Variants in PTPRM observed in about 807,000 individuals in gnomAD.
PTPRM encodes the protein protein tyrosine phosphatase receptor type M.
Under a neutral mutation model 186.7 loss-of-function variants are expected in PTPRM, and 47 were observed. That is an observed-to-expected ratio of 0.25 (90% CI 0.20 to 0.32). PTPRM has a LOEUF of 0.32. Among genes scored for constraint, PTPRM ranks in the 10% least tolerant of loss-of-function variants. PTPRM has a pLI of 1.00. For missense variants in PTPRM, 1,494 were observed against 1,865.0 expected, an observed-to-expected ratio of 0.80 and a Z score of 3.66; for synonymous variants, 668 against 674.9, an observed-to-expected ratio of 0.99 and a Z score of 0.16.
chr18:8,115,731 T>C (rs930891245), intron 13 of PTPRM, among the ~76,000 whole-genome samples: 2 of 152,200 alleles, frequency 1.3e-5, no homozygotes, highest in Non-Finnish European at 2.9e-5. Flanking sequence ...ATGAGTTGTG[T>C]TGGATAAAAT....
intron 3 of PTPRM, among the ~76,000 whole-genome samples, chr18:7,890,487 A>G (rs1480846137): frequency 6.6e-6 from 1 of 152,140 alleles, no homozygotes; most frequent in Non-Finnish European, 1.5e-5. Flanking sequence ...AACAATTTCT[A>G]GGATTTAATG....
intron 31 of PTPRM, among the ~76,000 whole-genome samples, chr18:8,387,518 C>A (rs957636430): frequency 2.9e-5 from 4 of 139,622 alleles, no homozygotes; most frequent in Admixed American, 7.1e-5. Flanking sequence ...AAAAAAAAAA[C>A]ACTGGCTCTT....
At chr18:8,077,171 G>T (rs16952842) in intron 9 of PTPRM, among the ~76,000 whole-genome samples, 4,697 of 152,246 alleles carry the variant, frequency 0.031, 237 homozygotes, top group African/African-American at 0.11. Flanking sequence ...CATCACATCT[G>T]TGCAAGCATC....
intron 1 of PTPRM, among the ~76,000 whole-genome samples, chr18:7,592,597 C>A (rs1419678388): frequency 6.6e-6 from 1 of 152,206 alleles, no homozygotes; most frequent in African/African-American, 2.4e-5. Flanking sequence ...ATCTCAGAAA[C>A]ATAAGAGGAA....
At chr18:7,738,340 A>G (rs1355804546) in intron 1 of PTPRM, among the ~76,000 whole-genome samples, 1 of 152,210 alleles carries the variant, frequency 6.6e-6, no homozygotes, top group African/African-American at 2.4e-5. Context: ...TTCCCTGCAG[A>G]AAGTTGTTTA....
intron 7 of PTPRM, among the ~76,000 whole-genome samples, chr18:8,041,989 A>G (rs945841339): frequency 2.6e-5 from 4 of 152,190 alleles, no homozygotes; most frequent in Admixed American, 2.6e-4. Context: ...AGATTTGGAA[A>G]TGAAAGGGGT....
At chr18:8,133,391 A>G (rs2092561081) in intron 13 of PTPRM, among the ~76,000 whole-genome samples, 2 of 152,184 alleles carry the variant, frequency 1.3e-5, no homozygotes, top group Admixed American at 6.6e-5. Context: ...GGCCACAAAG[A>G]TGAGTAAGAC....
intron 14 of PTPRM, among the ~76,000 whole-genome samples, chr18:8,178,672 A>G (rs951901070): frequency 2.2e-4 from 34 of 152,138 alleles, no homozygotes; most frequent in African/African-American, 8.0e-4. Flanking sequence ...CTGTAATCCC[A>G]GCTACTCGGG....
At chr18:7,633,911 C>T (rs1216196222) in intron 1 of PTPRM, among the ~76,000 whole-genome samples, 1 of 152,098 alleles carries the variant, frequency 6.6e-6, no homozygotes, top group Admixed American at 6.6e-5. Flanking sequence ...GGACTTTCCC[C>T]TTTTCAGCAT....
intron 1 of PTPRM, among the ~76,000 whole-genome samples, chr18:7,634,479 G>C (rs2038267149): frequency 6.6e-6 from 1 of 152,152 alleles, no homozygotes; most frequent in Non-Finnish European, 1.5e-5. Flanking sequence ...TGTGAAGGTA[G>C]GACATGCTGA....
At chr18:8,289,333 A>G (rs112374883) in intron 19 of PTPRM, among the ~76,000 whole-genome samples, 3 of 151,036 alleles carry the variant, frequency 2.0e-5, no homozygotes, top group African/African-American at 7.3e-5. Context: ...AGAATAAGAA[A>G]CATATTCTAA....
chr18:7,765,243 C>G (rs1169327721), intron 1 of PTPRM, among the ~76,000 whole-genome samples: 1 of 152,138 alleles, frequency 6.6e-6, no homozygotes. Flanking sequence ...ATAGAAACTT[C>G]AAGAACAAGG....
intron 14 of PTPRM, among the ~76,000 whole-genome samples, chr18:8,145,098 A>T (rs904940386): frequency 3.3e-5 from 5 of 152,206 alleles, no homozygotes; most frequent in Non-Finnish European, 4.4e-5. Flanking sequence ...GAGAGCTCAA[A>T]TCAGGAAGAC....
chr18:7,908,560 C>G (rs968780111), intron 4 of PTPRM, among the ~76,000 whole-genome samples: 36 of 152,100 alleles, frequency 2.4e-4, no homozygotes, highest in African/African-American at 8.4e-4. Flanking sequence ...AGGGGTTTTG[C>G]TCTCTCTGAT....
intron 2 of PTPRM, among the ~76,000 whole-genome samples, chr18:7,810,087 G>A (rs1598828713): frequency 6.6e-6 from 1 of 152,098 alleles, no homozygotes; most frequent in Admixed American, 6.6e-5. Context: ...CAATGAGAGA[G>A]CCAGCTGGAA....
At chr18:8,244,345 C>T (rs1277460178) in intron 15 of PTPRM, 136 bp downstream of exon 15, 28 of 863,638 alleles carry the variant, frequency 3.2e-5, no homozygotes, top group Non-Finnish European at 4.5e-5. Context: ...CAGTCATTTT[C>T]AGTGATCCTT....
chr18:7,980,496 G>A (rs1212463354), intron 7 of PTPRM, among the ~76,000 whole-genome samples: 1 of 151,776 alleles, frequency 6.6e-6, no homozygotes, highest in Non-Finnish European at 1.5e-5. Context: ...TGATCCTCCC[G>A]CCTCAGCCTC....
At chr18:8,205,882 G>A (rs2093920829) in intron 14 of PTPRM, among the ~76,000 whole-genome samples, 1 of 152,112 alleles carries the variant, frequency 6.6e-6, no homozygotes, top group Non-Finnish European at 1.5e-5. Context: ...TTTAAAGCCA[G>A]CACTCACATT....
intron 7 of PTPRM, among the ~76,000 whole-genome samples, chr18:8,037,572 A>G (rs1193888409): frequency 1.3e-5 from 2 of 152,208 alleles, no homozygotes; most frequent in African/African-American, 2.4e-5. Flanking sequence ...AGTCAAATGT[A>G]TATATGAATA....
Sources: allele counts gnomAD v4.1 joint callset (sites outside exome capture counted in the v4.1 genomes callset), GRCh38; gene constraint gnomAD v4.1.1; transcripts MANE v1.5; gene names NCBI Gene and HGNC (gene_info 2026-07-23, HGNC 2026-07-21).